The following MLPH variants were observed in gnomAD, a reference collection of about 807,000 sequenced individuals.
The protein encoded by MLPH is exophilin-3.
Under a neutral mutation model 72.1 loss-of-function variants are expected in MLPH, and 51 were observed. The observed-to-expected ratio is 0.71, with a 90% CI of 0.56 to 0.89. MLPH has a LOEUF of 0.89. Among genes scored for constraint, MLPH ranks in the 40% least tolerant of loss-of-function variants. The pLI is 0.00. For synonymous variants in MLPH, 301 were observed against 310.1 expected (o/e 0.97, Z 0.31); for missense variants, 743 against 759.9 (o/e 0.98, Z 0.26).
rs1023457738 is a variant in MLPH at position 237,497,526 on chromosome 2, A to G, written c.110+3990A>G. ...CAGGTGCAGGTGACTTGAGCACCGC[A>G]AGGTCAAAACACGCCTCGCAGTGTG... On this transcript the variant is annotated intron_variant, in intron 2 of 15. Transcript: ENST00000264605. Among the ~76,000 whole-genome samples the G allele has an allele frequency of 3.3e-5, 5 of 152,186 alleles. No homozygotes were observed. The East Asian group carries it at 9.6e-4, about 29-fold the overall frequency.
chr2:237,508,277 A>G (rs75910281), intron 2 of MLPH, among the ~76,000 whole-genome samples: 2 of 151,940 alleles, frequency 1.3e-5, no homozygotes, highest in East Asian at 3.9e-4. Flanking sequence ...GTGCCTGGCT[A>G]ATTTTTGTAT....
chr2:237,538,303 T>A (rs1374303665), intron 9 of MLPH, among the ~76,000 whole-genome samples: 1 of 152,160 alleles, frequency 6.6e-6, no homozygotes, highest in Non-Finnish European at 1.5e-5. Flanking sequence ...AATGATGTGT[T>A]ACTGTGCACA....
chr2:237,542,524 G>T, intron 11 of MLPH, 43 bp from the exon 12 acceptor site: 3 of 1,482,984 alleles, frequency 2.0e-6, no homozygotes, highest in East Asian at 2.4e-5. Context: ...GCGGGATCTC[G>T]AGCGTCTGTC....
rs7608401 is a variant in MLPH at position 237,552,028 on chromosome 2, G to A, written c.1676-309G>A. On this transcript the variant is annotated intron_variant, in intron 14 of 15. Coordinates refer to ENST00000264605, the MANE Select transcript of MLPH (RefSeq NM_024101.7). ...AAAGAAAAGAAAGTCAAGGAAATGC[G>A]AAGACCACACACCAGTGCAGTGTGA... 0.22 allele frequency: 52,118 copies of A among 241,464 alleles called. 7,431 individuals are homozygous for A. The highest frequency in any genetic ancestry group is 0.41 in the East Asian group (4,268 of 10,326). The allele number at this position is 241,464 out of a possible 1,614,324, so 15.0% of individuals were successfully genotyped here.
intron 2 of MLPH, among the ~76,000 whole-genome samples, chr2:237,498,670 C>T (rs867525016): frequency 1.2e-4 from 19 of 152,196 alleles, no homozygotes; most frequent in Admixed American, 1.1e-3. Flanking sequence ...GAAGCCAGCA[C>T]GTCTTGATCT....
chr2:237,506,980 C>T (rs1386986450), intron 2 of MLPH, among the ~76,000 whole-genome samples: 5 of 148,542 alleles, frequency 3.4e-5, no homozygotes, highest in Non-Finnish European at 7.4e-5. Flanking sequence ...CCTTTGTAGA[C>T]AATAATTAAC....
chr2:237,549,317 A>G, intron 14 of MLPH, 39 bp downstream of exon 14: 1 of 1,576,768 alleles, frequency 6.3e-7, no homozygotes, highest in Non-Finnish European at 8.7e-7. Flanking sequence ...TGGGCCTGGG[A>G]AATGAGCTTC....
intron 4 of MLPH, among the ~76,000 whole-genome samples, chr2:237,516,775 AGATGAATGGATG>A (rs1157902217): frequency 2.0e-5 from 3 of 146,998 alleles, no homozygotes; most frequent in African/African-American, 7.8e-5. Context: ...GGAGAGGGAG[AGATGAATGGATG>A]GATGGATGGA....
At chr2:237,501,664 TAAAAAAAA>T (rs58268748) in intron 2 of MLPH, among the ~76,000 whole-genome samples, 1 of 63,552 alleles carries the variant, frequency 1.6e-5, no homozygotes, top group African/African-American at 1.1e-4. Context: ...ACGTCTCTAC[TAAAAAAAA>T]AAAAAAAAAA....
At chr2:237,519,602 C>A (rs988820092) in intron 5 of MLPH, among the ~76,000 whole-genome samples, 3 of 152,198 alleles carry the variant, frequency 2.0e-5, no homozygotes, top group Non-Finnish European at 4.4e-5. Flanking sequence ...TTGCCTGCCC[C>A]CTAGGCGGGG....
In MLPH at chr2:237,510,123, G is replaced by A. The variant is rs573074264; in HGVS notation, c.111-451G>A. 5.5e-4 allele frequency: 137 copies of A among 251,122 alleles called. No individual in the cohort carries two copies. The South Asian group carries it at 7.0e-3, about 13-fold the overall frequency. 15.6% of individuals were successfully genotyped at this position (251,122 alleles called of 1,614,324 possible). A position where few individuals can be genotyped will look rare whatever the true frequency, so the allele number is the denominator to read the frequency against. On this transcript the variant is annotated intron_variant, in intron 2 of 15. Coordinates refer to ENST00000264605, the MANE Select transcript of MLPH (RefSeq NM_024101.7). The surrounding 1 kb of genome is among the most constrained non-coding windows in gnomAD (Gnocchi z 4.4). ...TCTGGAAACTCACCGAGCCATTTCA[G>A]CTGCGCTCTAGAGGAGCAAACCTGG...
At chr2:237,526,598 T>A (rs7561919) in intron 7 of MLPH, among the ~76,000 whole-genome samples, 1 of 152,086 alleles carries the variant, frequency 6.6e-6, no homozygotes, top group Non-Finnish European at 1.5e-5. Context: ...ATTTCCTCTG[T>A]GATCTCAAGT....
intron 4 of MLPH, among the ~76,000 whole-genome samples, chr2:237,515,279 G>A (rs545497337): frequency 2.6e-5 from 4 of 152,260 alleles, no homozygotes; most frequent in East Asian, 3.9e-4. Context: ...TGGAAGATGC[G>A]TCGGTGATTG....
chr2:237,488,509 T>G (rs182624787), intron 1 of MLPH, among the ~76,000 whole-genome samples: 5 of 152,310 alleles, frequency 3.3e-5, no homozygotes, highest in African/African-American at 1.2e-4. Context: ...GGCCTCAGCC[T>G]TCCTGGGCCC....
intron 15 of MLPH, 28 bp downstream of exon 15, chr2:237,552,465 GTT>G: frequency 6.3e-7 from 1 of 1,586,842 alleles, no homozygotes; most frequent in South Asian, 1.1e-5. Context: ...TCTCTGAGGA[GTT>G]TTTAAAGTTC....
Position 237,505,498 on chromosome 2 carries a change from C to A in MLPH, c.111-5076C>A, listed in dbSNP as rs2079748641. Among the ~76,000 whole-genome samples, 1 of 152,208 alleles carries A rather than the reference C, an allele frequency of 6.6e-6. No individual in the cohort carries two copies. Among genetic ancestry groups the A allele is most frequent in the African/African-American group, 2.4e-5 (1 of 41,446 alleles). On this transcript the variant is annotated intron_variant, in intron 2 of 15. Coordinates refer to ENST00000264605, the MANE Select transcript of MLPH (RefSeq NM_024101.7). This position sits in a 1 kb window ranked among gnomAD's most constrained non-coding sequence, Gnocchi z 4.5. ...GCTCTTCCCCCGCCTGTGTGCTGGA[C>A]CTTGGGGATGGCCACAGTGGGAGCT...
At chr2:237,546,550 C>A in intron 12 of MLPH, 56 bp from the exon 13 acceptor site, 1 of 1,486,500 alleles carries the variant, frequency 6.7e-7, no homozygotes, top group Non-Finnish European at 9.4e-7. Flanking sequence ...CATGCCCATG[C>A]TCCTCCCTGT....
chr2:237,492,867 G>A (rs2079454746), intron 1 of MLPH, among the ~76,000 whole-genome samples: 1 of 152,158 alleles, frequency 6.6e-6, no homozygotes, highest in African/African-American at 2.4e-5. Context: ...CCACCTAGTG[G>A]GTCAGTCATC....
At chr2:237,549,439 G>T (rs1259371708) in intron 14 of MLPH, among the ~76,000 whole-genome samples, 161 bp downstream of exon 14, 1 of 152,160 alleles carries the variant, frequency 6.6e-6, no homozygotes, top group Non-Finnish European at 1.5e-5. Flanking sequence ...CCACCCTCAG[G>T]ACCCAGCAAG....
Sources: allele counts gnomAD v4.1 joint callset (sites outside exome capture counted in the v4.1 genomes callset), GRCh38; gene constraint gnomAD v4.1.1; non-coding constraint Gnocchi (gnomAD v3.1); transcripts MANE v1.5; gene names NCBI Gene and HGNC (gene_info 2026-07-23, HGNC 2026-07-21).